FBLN1: variants seen among roughly 807,000 people sequenced by gnomAD.
FBLN1 encodes fibulin-1.
Under a neutral mutation model 89.7 loss-of-function variants are expected in FBLN1, and 34 were observed. That is an observed-to-expected ratio of 0.38 (90% CI 0.29 to 0.50). The LOEUF is 0.50. Ranked by LOEUF, FBLN1 falls within the 20% of genes least tolerant of loss-of-function variation. The pLI, the probability that FBLN1 is intolerant of heterozygous loss-of-function variation, is 0.92. For synonymous variants in FBLN1, 393 were observed against 391.3 expected (o/e 1.00, Z -0.05); for missense variants, 777 against 988.1 (o/e 0.79, Z 2.86).
At chr22:45,547,031 G>C (rs1471201884) in intron 11 of FBLN1, 54 bp from the exon 12 acceptor site, 102 of 1,612,774 alleles carry the variant, frequency 6.3e-5, no homozygotes, top group Non-Finnish European at 8.3e-5. Context: ...GAGGGCTACT[G>C]TGGAGGCAGG....
chr22:45,597,306 A>G lies in FBLN1; in HGVS notation c.1973-3001A>G, dbSNP rs1388329504. Among the ~76,000 whole-genome samples the G allele has an allele frequency of 6.6e-6, 1 of 152,172 alleles. No homozygotes were observed. The highest frequency in any genetic ancestry group is 1.5e-5 in the Non-Finnish European group (1 of 68,034). The stretch of plus-strand genomic sequence containing the variant: ...GTGAGCCACTGCACCCAGCTGAAAC[A>G]AAGACATATCTGACTGTTGCTTGTG... On this transcript the variant is annotated intron_variant, in intron 16 of 16. Transcript: ENST00000327858. This position sits in a 1 kb window ranked among gnomAD's most constrained non-coding sequence, Gnocchi z 4.2.
chr22:45,579,582 G>A lies in FBLN1; in HGVS notation c.1972+2474G>A, dbSNP rs1175454283. 6.6e-6 allele frequency among the ~76,000 whole-genome samples: 1 copy of A among 152,194 alleles called. No homozygotes were observed. Among genetic ancestry groups the A allele is most frequent in the East Asian group, 1.9e-4 (1 of 5,184 alleles). ...GCCTGTAGCCCTGTGTGCTGGGGAG[G>A]CCCCTGCCTCTTCCACGCCTCGGTC... On this transcript the variant is annotated intron_variant, in intron 16 of 16. Transcript: ENST00000327858. The surrounding 1 kb of genome is among the most constrained non-coding windows in gnomAD (Gnocchi z 5.5).
intron 16 of FBLN1, among the ~76,000 whole-genome samples, chr22:45,589,418 G>A (rs1216795429): frequency 1.3e-5 from 2 of 152,174 alleles, no homozygotes; most frequent in Admixed American, 6.5e-5. Flanking sequence ...GGTCCATAGC[G>A]TAGGTGTATC....
chr22:45,514,290 G>T (rs1375989271), intron 1 of FBLN1, among the ~76,000 whole-genome samples: 1 of 152,124 alleles, frequency 6.6e-6, no homozygotes, highest in African/African-American at 2.4e-5. Flanking sequence ...TCTTGTGTGG[G>T]CTACACACAT....
At chr22:45,560,202 T>C (rs868690805) in intron 14 of FBLN1, among the ~76,000 whole-genome samples, 3 of 152,354 alleles carry the variant, frequency 2.0e-5, no homozygotes, top group Middle Eastern at 6.8e-3. Flanking sequence ...GTGCTGTCAC[T>C]TGGCCACTGC....
intron 7 of FBLN1, among the ~76,000 whole-genome samples, chr22:45,534,292 CAAAAAAAAAAAAAAA>C (rs136746): frequency 3.5e-4 from 29 of 83,234 alleles, no homozygotes; most frequent in African/African-American, 1.3e-3. Flanking sequence ...GTACTTTCTA[CAAAAAAAAAAAAAAA>C]AAAAAAAAAA....
In FBLN1 at chr22:45,577,071, T is replaced by G; in HGVS notation, c.1935T>G (p.Phe645Leu). The G allele has an allele frequency of 6.2e-7, 1 of 1,614,118 alleles. No homozygotes were observed. Among genetic ancestry groups the G allele is most frequent in the Non-Finnish European group, 8.5e-7 (1 of 1,180,016 alleles). The change falls in exon 16 of 17, where the codon TTT becomes TTG. Residue 645 changes from phenylalanine to leucine, a missense_variant. By Grantham distance (22) the Phe-to-Leu change is conservative (BLOSUM62 0). Transcript: ENST00000327858. This position sits in a 1 kb window ranked among gnomAD's most constrained non-coding sequence, Gnocchi z 6.6. ...CGGAAGGGAACCTGCGGGACTCTTT[T>G]GACATCATCAAGCGTTACATGGACG... ...DITEGNLRDS[F>L]DIIKRYMDGM...
rs550442490 is a variant in FBLN1 at position 45,583,759 on chromosome 22, C to T, written c.1972+6651C>T. Among the ~76,000 whole-genome samples, 5 of 151,882 alleles carry T rather than the reference C, an allele frequency of 3.3e-5. No individual in the cohort carries two copies. The highest frequency in any genetic ancestry group is 7.4e-5 in the Non-Finnish European group (5 of 67,982). ...GAGGTGGGGAGCACCCCTTGCAGGG[C>T]CAATGGGAAGGGGAAGCGCCTGCAG... On this transcript the variant is annotated intron_variant, in intron 16 of 16. Transcript: ENST00000327858. The surrounding 1 kb of genome is among the most constrained non-coding windows in gnomAD (Gnocchi z 4.5).
At position 45,545,941 on chromosome 22, in the gene FBLN1, A is replaced by T. The variant is rs1305862947; in HGVS notation, c.1322-1144A>T. On this transcript the variant is annotated intron_variant, in intron 11 of 16. Coordinates refer to ENST00000327858, the MANE Select transcript of FBLN1 (RefSeq NM_006486.3). The surrounding 1 kb of genome is among the most constrained non-coding windows in gnomAD (Gnocchi z 5.9). ...GGCAGGTGGATTACTTGAGGTCAGG[A>T]GTTCGAGACCAGTATGGCCAACATC... Among the ~76,000 whole-genome samples the T allele has an allele frequency of 1.3e-5, 2 of 152,056 alleles. No individual in the cohort carries two copies. The highest frequency in any genetic ancestry group is 3.9e-4 in the East Asian group (2 of 5,166).
intron 1 of FBLN1, among the ~76,000 whole-genome samples, chr22:45,512,194 C>T (rs761066025): frequency 9.2e-5 from 14 of 151,976 alleles, no homozygotes; most frequent in East Asian, 1.9e-4. Flanking sequence ...AAGAAGCAGG[C>T]GTGGCTTCGG....
At chr22:45,560,503 T>G (rs1430539728) in intron 14 of FBLN1, among the ~76,000 whole-genome samples, 2 of 152,218 alleles carry the variant, frequency 1.3e-5, no homozygotes, top group East Asian at 3.8e-4. Context: ...CATTTCCAGC[T>G]TGCTCACAGT....
intron 2 of FBLN1, among the ~76,000 whole-genome samples, chr22:45,519,755 GCC>G (rs1273239511): frequency 2.0e-5 from 3 of 152,172 alleles, no homozygotes; most frequent in African/African-American, 7.2e-5. Flanking sequence ...ACGGACAGCA[GCC>G]AGTCTGGCCC....
At chr22:45,566,625 A>T (rs1188544195) in intron 14 of FBLN1, among the ~76,000 whole-genome samples, 5 of 152,214 alleles carry the variant, frequency 3.3e-5, no homozygotes, top group African/African-American at 9.6e-5. Context: ...GATGGCCTGA[A>T]ATAGTCCAGC....
intron 11 of FBLN1, among the ~76,000 whole-genome samples, chr22:45,544,976 CCT>C (rs898556973): frequency 4.6e-5 from 7 of 152,328 alleles, no homozygotes; most frequent in Non-Finnish European, 8.8e-5. Flanking sequence ...CCGATGACAC[CCT>C]GTTTGGTGCC....
intron 6 of FBLN1, 147 bp downstream of exon 6, chr22:45,533,311 G>A (rs897054019): frequency 1.2e-5 from 9 of 755,434 alleles, no homozygotes; most frequent in African/African-American, 1.7e-5. Context: ...TCTCGTGTTC[G>A]CTGGAGTTTG....
In FBLN1 at chr22:45,572,077, C is replaced by A. The variant is rs9614491; in HGVS notation, c.1698-2434C>A. ...CCGGGAGGTGGAGGTTGCAGTGAGC[C>A]GATATCGCACCACAGCACTCCAGCC... On this transcript the variant is annotated intron_variant, in intron 14 of 16. Transcript: ENST00000327858. This position sits in a 1 kb window ranked among gnomAD's most constrained non-coding sequence, Gnocchi z 5.8. Among the ~76,000 whole-genome samples, 1 of 151,736 alleles carries A rather than the reference C, an allele frequency of 6.6e-6. No homozygotes were observed. Among genetic ancestry groups the A allele is most frequent in the African/African-American group, 2.4e-5 (1 of 41,220 alleles).
chr22:45,569,509 T>G (rs5764789), intron 14 of FBLN1, among the ~76,000 whole-genome samples: 75,411 of 151,508 alleles, frequency 0.5, 19,018 homozygotes, highest in Middle Eastern at 0.61. Context: ...TGTGGTGGCA[T>G]GTGCCTGTAA....
chr22:45,526,827 G>T lies in FBLN1; in HGVS notation c.322-1020G>T, dbSNP rs894363320. 2.0e-5 allele frequency among the ~76,000 whole-genome samples: 3 copies of T among 146,778 alleles called. No homozygotes were observed. The South Asian group carries it at 7.0e-4, about 34-fold the overall frequency. ...CTTTGGGCGTTTCATGACTGCCCCC[G>T]CACCCTCCCACCCAACACCCAATGC... On this transcript the variant is annotated intron_variant, in intron 3 of 16. Coordinates refer to ENST00000327858, the MANE Select transcript of FBLN1 (RefSeq NM_006486.3).
At chr22:45,582,167 C>T (rs4823225) in intron 16 of FBLN1, among the ~76,000 whole-genome samples, 53,687 of 152,116 alleles carry the variant, frequency 0.35, 11,547 homozygotes, top group Admixed American at 0.52. Flanking sequence ...TGCCCAGATC[C>T]GGGACTCCCC....
Sources: gnomAD v4.1 joint callset for allele counts (sites outside exome capture counted in the v4.1 genomes callset) on GRCh38, gnomAD v4.1.1 for gene constraint, Gnocchi (gnomAD v3.1) non-coding constraint, MANE v1.5 for transcripts, NCBI Gene and HGNC (gene_info 2026-07-23, HGNC 2026-07-21) for gene names.